The following RAPGEF2 variants were observed in gnomAD, a reference collection of about 807,000 sequenced individuals.
RAPGEF2 encodes PDZ domain containing guanine nucleotide exchange factor (GEF) 1.
Under a neutral mutation model 186.7 loss-of-function variants are expected in RAPGEF2, and 54 were observed. That is an observed-to-expected ratio of 0.29 (90% CI 0.23 to 0.36). The LOEUF (loss-of-function observed/expected upper bound fraction) is 0.36, where lower values mean the gene tolerates loss of function less well. Ranked by LOEUF, RAPGEF2 falls within the 10% of genes least tolerant of loss-of-function variation. The pLI is 1.00. For synonymous variants in RAPGEF2, 712 were observed against 705.9 expected (o/e 1.01, Z -0.14); for missense variants, 1,532 against 2,045.0 (o/e 0.75, Z 4.84).
At chr4:159,190,858 T>G (rs930344576) in intron 2 of RAPGEF2, among the ~76,000 whole-genome samples, 3 of 152,312 alleles carry the variant, frequency 2.0e-5, no homozygotes, top group Admixed American at 6.5e-5. Context: ...GGAACTGCAA[T>G]TCAAGATAAG....
intron 3 of RAPGEF2, among the ~76,000 whole-genome samples, chr4:159,198,413 C>CCTCTCTCT (rs70962662): frequency 9.0e-6 from 1 of 111,278 alleles, no homozygotes; most frequent in African/African-American, 3.2e-5. Context: ...TTCCTCTCTT[C>CCTCTCTCT]CTCTCTCTCT....
chr4:159,284,646 T>TTA (rs1479095356), intron 7 of RAPGEF2, among the ~76,000 whole-genome samples: 1 of 152,214 alleles, frequency 6.6e-6, no homozygotes, highest in Non-Finnish European at 1.5e-5. Context: ...GTGATAAATC[T>TTA]TCATTTTTGG....
intron 1 of RAPGEF2, among the ~76,000 whole-genome samples, chr4:159,185,485 TA>T: frequency 6.6e-6 from 1 of 152,188 alleles, no homozygotes; most frequent in Middle Eastern, 3.4e-3. Context: ...TATTTGGCAA[TA>T]AAAAGGAAAG....
chr4:159,294,838 G>A (rs1761733724), intron 7 of RAPGEF2, among the ~76,000 whole-genome samples: 1 of 152,012 alleles, frequency 6.6e-6, no homozygotes, highest in East Asian at 1.9e-4. Flanking sequence ...GCTGGGAGGT[G>A]CATGCCACCA....
chr4:159,321,831 C>A (rs1285165336), intron 9 of RAPGEF2, among the ~76,000 whole-genome samples: 1 of 152,082 alleles, frequency 6.6e-6, no homozygotes, highest in Non-Finnish European at 1.5e-5. Context: ...TTTTCATTTT[C>A]ATTTATCATA....
chr4:159,208,633 TG>T (rs1490959344), intron 3 of RAPGEF2, among the ~76,000 whole-genome samples: 2 of 152,230 alleles, frequency 1.3e-5, no homozygotes, highest in African/African-American at 4.8e-5. Context: ...GAGAAAGAAA[TG>T]AACTTTGGTT....
chr4:159,347,228 G>A (rs1482626066), intron 25 of RAPGEF2, among the ~76,000 whole-genome samples: 2 of 152,102 alleles, frequency 1.3e-5, no homozygotes, highest in African/African-American at 4.8e-5. Flanking sequence ...GCTACGACAG[G>A]GTGTTAATAG....
In RAPGEF2 at chr4:159,209,996, A is replaced by T. The variant is rs114676629; in HGVS notation, c.198-504A>T. ...ATTGCAAAAGAAAAGAACTGTGTAG[A>T]GTGTGCTGTCTTTTCTGTAACAAAG... On this transcript the variant is annotated intron_variant, in intron 3 of 29. Transcript: ENST00000691494. Among the ~76,000 whole-genome samples the T allele has an allele frequency of 9.0e-3, 1,365 of 152,304 alleles. 16 individuals are homozygous for T. Among genetic ancestry groups the T allele is most frequent in the Non-Finnish European group, 0.015 (1,033 of 68,024 alleles).
intron 1 of RAPGEF2, among the ~76,000 whole-genome samples, chr4:159,179,979 A>C (rs1338675240): frequency 6.6e-6 from 1 of 152,208 alleles, no homozygotes; most frequent in African/African-American, 2.4e-5. Context: ...TTCTTAGACC[A>C]GGGCATAGTG....
At position 159,345,183 on chromosome 4, in the gene RAPGEF2, G is replaced by T; in HGVS notation, c.3356G>T (p.Arg1119Leu). The T allele has an allele frequency of 5.6e-6, 9 of 1,614,144 alleles. No homozygotes were observed. Among genetic ancestry groups the T allele is most frequent in the Non-Finnish European group, 7.6e-6 (9 of 1,180,006 alleles). The change falls in exon 24 of 30, where the codon CGT becomes CTT. Residue 1119 changes from arginine (R) to leucine (L), a missense_variant. Transcript: ENST00000691494. ...QTGGHKKRVR[R>L]SSFLNAKKLY... ...GGTGGTCATAAAAAGCGGGTACGTCGTAGTTCCTTTCTCAATGCCAAAAAG... is the reference window on the plus strand; with the variant it reads ...GGTGGTCATAAAAAGCGGGTACGTCTTAGTTCCTTTCTCAATGCCAAAAAG...
intron 1 of RAPGEF2, among the ~76,000 whole-genome samples, chr4:159,156,438 A>G (rs1243161265): frequency 6.6e-6 from 1 of 152,040 alleles, no homozygotes; most frequent in Non-Finnish European, 1.5e-5. Context: ...TCTATAAATT[A>G]TGATTTGTAT....
chr4:159,357,778 T>G (rs1045320462), intron 29 of RAPGEF2, among the ~76,000 whole-genome samples: 1 of 152,256 alleles, frequency 6.6e-6, no homozygotes, highest in African/African-American at 2.4e-5. Flanking sequence ...TTATATATTC[T>G]AGACTTTTTA....
chr4:159,139,258 G>A (rs561807103), intron 1 of RAPGEF2, among the ~76,000 whole-genome samples: 133 of 152,266 alleles, frequency 8.7e-4, no homozygotes, highest in Non-Finnish European at 1.6e-3. Context: ...TAGCATGGAA[G>A]TGCAATGAGG....
intron 23 of RAPGEF2, 87 bp from the exon 24 acceptor site, chr4:159,345,019 A>G (rs1371594026): frequency 1.9e-6 from 2 of 1,058,642 alleles, no homozygotes; most frequent in East Asian, 4.7e-5. Flanking sequence ...TTGAACATAG[A>G]CTATTAATAT....
At chr4:159,340,956 A>T (rs1001680774) in intron 19 of RAPGEF2, among the ~76,000 whole-genome samples, 1 of 152,234 alleles carries the variant, frequency 6.6e-6, no homozygotes, top group South Asian at 2.1e-4. Context: ...ACAAATAAGT[A>T]TAATACCTAC....
At chr4:159,352,481 C>A (rs1731331909) in intron 26 of RAPGEF2, 1 of 527,434 alleles carries the variant, frequency 1.9e-6, no homozygotes. Flanking sequence ...TTTTTCCTCT[C>A]TAAACTTCGA....
In RAPGEF2 at chr4:159,183,917, G is replaced by T. The variant is rs562023152; in HGVS notation, c.70-2725G>T. 7.2e-5 allele frequency among the ~76,000 whole-genome samples: 11 copies of T among 152,188 alleles called. No individual in the cohort carries two copies. In the East Asian group the frequency reaches 9.7e-4, roughly 13 times the overall value. On this transcript the variant is annotated intron_variant, in intron 1 of 29. Coordinates refer to ENST00000691494, the MANE Select transcript of RAPGEF2 (RefSeq NM_001394067.2). ...TCCTCTCACCCCATGACAGGCTCTGGTGTGTGATGTTCCCCACCCTGTGTC... is the reference window on the plus strand; with the variant it reads ...TCCTCTCACCCCATGACAGGCTCTGTTGTGTGATGTTCCCCACCCTGTGTC...
At position 159,152,867 on chromosome 4, in the gene RAPGEF2, C is replaced by T. The variant is rs193199720; in HGVS notation, c.70-33775C>T. On this transcript the variant is annotated intron_variant, in intron 1 of 29. Coordinates refer to ENST00000691494, the MANE Select transcript of RAPGEF2 (RefSeq NM_001394067.2). The stretch of plus-strand genomic sequence containing the variant: ...ATCTCCTGACCTCATGATCCGCCCT[C>T]GGCCTCCCAAAGTGCTGGGATTACA... Among the ~76,000 whole-genome samples, 745 of 152,310 alleles carry T rather than the reference C, an allele frequency of 4.9e-3. 4 individuals are homozygous for T. Among genetic ancestry groups the T allele is most frequent in the African/African-American group, 0.017 (707 of 41,568 alleles).
At chr4:159,134,178 C>G (rs1741441670) in intron 1 of RAPGEF2, among the ~76,000 whole-genome samples, 1 of 152,172 alleles carries the variant, frequency 6.6e-6, no homozygotes, top group African/African-American at 2.4e-5. Flanking sequence ...GATCTGATTT[C>G]TATCCTTATA....
Sources: gnomAD v4.1 joint callset for allele counts (sites outside exome capture counted in the v4.1 genomes callset) on GRCh38, gnomAD v4.1.1 for gene constraint, MANE v1.5 for transcripts, NCBI Gene and HGNC (gene_info 2026-07-23, HGNC 2026-07-21) for gene names.